Variants in ARRB1 observed in about 807,000 individuals in gnomAD.
ARRB1 encodes beta-arrestin-1.
ARRB1 carries 21 observed loss-of-function variants against 56.8 expected under a neutral mutation model. The observed-to-expected ratio is 0.37, with a 90% confidence interval of 0.26 to 0.53. The LOEUF (loss-of-function observed/expected upper bound fraction) is 0.53. Ranked by LOEUF, ARRB1 falls within the 20% of genes least tolerant of loss-of-function variation. The pLI is 0.88. For synonymous variants in ARRB1, 210 were observed against 218.6 expected (o/e 0.96, Z 0.35); for missense variants, 424 against 553.7 (o/e 0.77, Z 2.35).
At chr11:75,281,866 G>T in intron 6 of ARRB1, 96 bp downstream of exon 6, 1 of 1,247,448 alleles carries the variant, frequency 8.0e-7, no homozygotes, top group Non-Finnish European at 1.2e-6. Flanking sequence ...CAGGGAGAGT[G>T]GTCCTGTGTG....
intron 14 of ARRB1, among the ~76,000 whole-genome samples, chr11:75,268,510 CAAAAAAAAAAAAA>C (rs61409833): frequency 1.6e-4 from 10 of 61,428 alleles, no homozygotes; most frequent in Admixed American, 4.6e-4. Context: ...GTCTCAAAAC[CAAAAAAAAAAAAA>C]AAAAAAAAAA....
chr11:75,313,979 A>G (rs1165488968), intron 1 of ARRB1, among the ~76,000 whole-genome samples: 1 of 152,048 alleles, frequency 6.6e-6, no homozygotes, highest in Non-Finnish European at 1.5e-5. Context: ...TCTGCCTAAA[A>G]ACTCTTAACC....
intron 1 of ARRB1, among the ~76,000 whole-genome samples, chr11:75,315,023 G>A (rs1443583883): frequency 1.3e-5 from 2 of 152,176 alleles, no homozygotes; most frequent in Non-Finnish European, 2.9e-5. Flanking sequence ...CCTGCACTCG[G>A]GACGCCTGGG....
In ARRB1 at chr11:75,332,018, G is replaced by C. The variant is rs1947530219; in HGVS notation, c.20+19570C>G. ...TTCTCCTGGACAATAAGTCTCCGGA[G>C]CTCCCCACTGAGCACCTTTTGACCC... On this transcript the variant is annotated intron_variant, in intron 1 of 15. Transcript: ENST00000420843. Among the ~76,000 whole-genome samples, 3 of 151,666 alleles carry C rather than the reference G, an allele frequency of 2.0e-5. No homozygotes were observed. The South Asian group carries it at 6.2e-4, about 32-fold the overall frequency.
At chr11:75,339,340 A>T (rs904185568) in intron 1 of ARRB1, among the ~76,000 whole-genome samples, 2 of 152,200 alleles carry the variant, frequency 1.3e-5, no homozygotes, top group African/African-American at 4.8e-5. Flanking sequence ...TTCTTTCTCC[A>T]GGCAGAAACA....
intron 8 of ARRB1, 35 bp from the exon 9 acceptor site, chr11:75,277,483 AG>A: frequency 6.3e-7 from 1 of 1,580,762 alleles, no homozygotes; most frequent in South Asian, 1.1e-5. Context: ...GTTGGCTGGG[AG>A]GACAGCAAGG....
chr11:75,272,283 A>G (rs1321147544), intron 12 of ARRB1, among the ~76,000 whole-genome samples: 1 of 152,222 alleles, frequency 6.6e-6, no homozygotes, highest in Admixed American at 6.5e-5. Context: ...GAAACACAGT[A>G]GTTTGTTTGT....
chr11:75,308,527 C>T (rs1302480991), intron 1 of ARRB1, among the ~76,000 whole-genome samples: 1 of 152,094 alleles, frequency 6.6e-6, no homozygotes, highest in Non-Finnish European at 1.5e-5. Context: ...GGGTGGATCA[C>T]GAGGTCAGGA....
At chr11:75,347,070 CAA>C (rs1947780629) in intron 1 of ARRB1, among the ~76,000 whole-genome samples, 1 of 152,260 alleles carries the variant, frequency 6.6e-6, no homozygotes, top group Admixed American at 6.5e-5. Context: ...GCCACCAACC[CAA>C]AGTGTCAGAA....
intron 1 of ARRB1, among the ~76,000 whole-genome samples, chr11:75,348,322 C>T (rs1053584924): frequency 6.6e-6 from 1 of 152,214 alleles, no homozygotes; most frequent in Non-Finnish European, 1.5e-5. Context: ...AACGCCACCT[C>T]CTTTCCAGGA....
At chr11:75,304,056 G>A (rs1420100238) in intron 1 of ARRB1, among the ~76,000 whole-genome samples, 2 of 152,126 alleles carry the variant, frequency 1.3e-5, no homozygotes, top group Admixed American at 6.5e-5. Context: ...CCATGGATGC[G>A]CAGTCTTGGC....
At chr11:75,269,298 AC>A (rs138730818) in intron 13 of ARRB1, 2,568 of 399,732 alleles carry the variant, frequency 6.4e-3, no homozygotes, top group East Asian at 0.012. Flanking sequence ...GTGCCCTGGG[AC>A]CCCCCCCCAC....
At chr11:75,267,726 G>T in intron 14 of ARRB1, 23 bp from the exon 15 acceptor site, 9 of 1,502,574 alleles carry the variant, frequency 6.0e-6, no homozygotes, top group Non-Finnish European at 8.3e-6. Context: ...TGGGTGGGCA[G>T]GGTGTCCAGG....
chr11:75,284,668 C>G (rs1946431413), intron 3 of ARRB1, among the ~76,000 whole-genome samples: 1 of 152,160 alleles, frequency 6.6e-6, no homozygotes, highest in African/African-American at 2.4e-5. Flanking sequence ...CTTTGGGAGG[C>G]TGAGGTGGGC....
At chr11:75,282,297 C>T (rs1946364446) in intron 5 of ARRB1, among the ~76,000 whole-genome samples, 1 of 152,134 alleles carries the variant, frequency 6.6e-6, no homozygotes, top group Non-Finnish European at 1.5e-5. Context: ...ATAATGTTCC[C>T]CAAAGATGTC....
At chr11:75,271,954 T>C (rs1291449930) in intron 12 of ARRB1, among the ~76,000 whole-genome samples, 1 of 149,230 alleles carries the variant, frequency 6.7e-6, no homozygotes, top group East Asian at 2.1e-4. Flanking sequence ...AGCAAACCCC[T>C]GAGCCCCAGG....
At chr11:75,346,642 G>A (rs940328233) in intron 1 of ARRB1, among the ~76,000 whole-genome samples, 2 of 152,112 alleles carry the variant, frequency 1.3e-5, no homozygotes, top group South Asian at 2.1e-4. Context: ...GAGGGGTCTC[G>A]CTCCAGCTCA....
chr11:75,296,408 G>A lies in ARRB1; in HGVS notation c.21-6369C>T, dbSNP rs532115853. Among the ~76,000 whole-genome samples the A allele has an allele frequency of 5.3e-5, 8 of 152,116 alleles. 1 individual carries two copies. In the South Asian group the frequency reaches 6.2e-4, roughly 12 times the overall value. ...GATTCCATTCCATCAAGGTGGTGCC[G>A]CCAGGAAGACAGGTAGGTCAACTCT... On this transcript the variant is annotated intron_variant, in intron 1 of 15. Transcript: ENST00000420843.
chr11:75,281,198 A>G, intron 6 of ARRB1, 56 bp from the exon 7 acceptor site: 1 of 1,499,238 alleles, frequency 6.7e-7, no homozygotes, highest in Non-Finnish European at 9.1e-7. Flanking sequence ...TCCCCAGTAC[A>G]CAGCCAGCCC....
Sources: allele counts gnomAD v4.1 joint callset (sites outside exome capture counted in the v4.1 genomes callset), GRCh38; gene constraint gnomAD v4.1.1; transcripts MANE v1.5; gene names NCBI Gene and HGNC (gene_info 2026-07-23, HGNC 2026-07-21).